Variants in ZNF75D observed in about 807,000 individuals in gnomAD.
The protein encoded by ZNF75D is zinc finger protein 75D, also known as zinc finger protein 75.
In ZNF75D, 33 loss-of-function variants were observed where a neutral mutation model predicts 33.3. That is an observed-to-expected ratio of 0.99 (90% CI 0.75 to 1.32). The LOEUF (loss-of-function observed/expected upper bound fraction) is 1.32, where lower values mean the gene tolerates loss of function less well. ZNF75D is among the 40% of genes most tolerant of loss of function. The pLI, the probability that ZNF75D is intolerant of heterozygous loss-of-function variation, is 0.00. For missense variants in ZNF75D, 338 were observed against 367.5 expected, an observed-to-expected ratio of 0.92 and a Z score of 0.66; for synonymous variants, 113 against 130.6, an observed-to-expected ratio of 0.87 and a Z score of 0.92.
At chrX:135,256,266 A>G (rs1292494332) in intron 1 of ZNF75D, among the ~76,000 whole-genome samples, 2 of 86,664 alleles carry the variant, frequency 2.3e-5, no homozygotes, top group African/African-American at 4.3e-5. Context: ...GGAACCACCA[A>G]TGCTACCCCT....
At chrX:135,334,636 C>T (rs1254897046) in intron 1 of ZNF75D, among the ~76,000 whole-genome samples, 3 of 110,791 alleles carry the variant, frequency 2.7e-5, no homozygotes, top group Non-Finnish European at 5.7e-5. Context: ...CTGCCCTACT[C>T]TCTCTCACTC....
chrX:135,283,232 C>T (rs1556418837), downstream of ZNF75D, among the ~76,000 whole-genome samples: 1 of 111,755 alleles, frequency 8.9e-6, no homozygotes, highest in Non-Finnish European at 1.9e-5. Context: ...ATTGATGGTC[C>T]TTGAGAGTTT....
At position 135,337,585 on chromosome X, in the gene ZNF75D, T is replaced by A. The variant is rs376498015; in HGVS notation, c.-391+4183A>T. ...ACTGGAATCACGTGAAAACTTTCAA[T>A]TGTACCTTCTTTTTGCTCAGGACAG... On this transcript the variant is annotated intron_variant, in intron 1 of 6. Coordinates refer to ENST00000370766, the MANE Select transcript of ZNF75D (RefSeq NM_007131.5). 3.0e-4 allele frequency among the ~76,000 whole-genome samples: 34 copies of A among 112,156 alleles called. 1 individual carries two copies. In the South Asian group the frequency reaches 0.012, roughly 39 times the overall value.
intron 1 of ZNF75D, among the ~76,000 whole-genome samples, chrX:135,299,169 A>G (rs2084178135): frequency 8.9e-6 from 1 of 112,365 alleles, no homozygotes; most frequent in Non-Finnish European, 1.9e-5. Flanking sequence ...TTGCTAGATC[A>G]TATGTTAACT....
At chrX:135,291,344 C>T in intron 5 of ZNF75D, 128 bp downstream of exon 5, 1 of 868,803 alleles carries the variant, frequency 1.2e-6, no homozygotes, top group Non-Finnish European at 1.6e-6. Flanking sequence ...AGCCTAGTTG[C>T]CTAGAGAATA....
intron 1 of ZNF75D, among the ~76,000 whole-genome samples, chrX:135,258,321 T>G (rs2083818895): frequency 9.1e-6 from 1 of 110,424 alleles, no homozygotes; most frequent in Non-Finnish European, 1.9e-5. Flanking sequence ...AGTAATGTGA[T>G]TACTGGGTCA....
chrX:135,333,441 T>A (rs948432503), intron 1 of ZNF75D, among the ~76,000 whole-genome samples: 5 of 111,679 alleles, frequency 4.5e-5, no homozygotes, highest in African/African-American at 1.6e-4. Flanking sequence ...AAGTAGGATA[T>A]ATCTGATTAA....
chrX:135,339,240 A>T (rs1556443756), intron 1 of ZNF75D, among the ~76,000 whole-genome samples: 2 of 111,407 alleles, frequency 1.8e-5, no homozygotes, highest in African/African-American at 6.5e-5. Flanking sequence ...GGTGGTATTG[A>T]TGGTTTCCAT....
At chrX:135,258,179 A>T (rs1319722282) in intron 1 of ZNF75D, among the ~76,000 whole-genome samples, 1 of 79,475 alleles carries the variant, frequency 1.3e-5, no homozygotes, top group Admixed American at 1.4e-4. Context: ...TCCATGGTGT[A>T]TAATCCAGTC....
At chrX:135,282,351 C>T (rs1285783889), downstream of ZNF75D, among the ~76,000 whole-genome samples, 2 of 111,589 alleles carry the variant, frequency 1.8e-5, no homozygotes, top group African/African-American at 3.3e-5. Flanking sequence ...CCATCAAGCT[C>T]GAGCGTACCA....
intron 3 of ZNF75D, among the ~76,000 whole-genome samples, chrX:135,249,687 A>G (rs1169104409): frequency 5.5e-5 from 5 of 90,863 alleles, no homozygotes; most frequent in African/African-American, 2.0e-4. Flanking sequence ...TATCATTAGG[A>G]TTGTACTGGA....
At chrX:135,333,801 A>C (rs1556441337) in intron 1 of ZNF75D, among the ~76,000 whole-genome samples, 1 of 111,806 alleles carries the variant, frequency 8.9e-6, no homozygotes, top group Non-Finnish European at 1.9e-5. Flanking sequence ...CCCCCAAAAA[A>C]AATCAGTCTA....
downstream of ZNF75D, among the ~76,000 whole-genome samples, chrX:135,285,429 C>T: frequency 1.8e-5 from 2 of 112,406 alleles, no homozygotes. Context: ...AAATGAATGT[C>T]ATGCCAGAAG....
intron 1 of ZNF75D, among the ~76,000 whole-genome samples, chrX:135,260,160 G>C (rs1449411675): frequency 2.7e-5 from 3 of 112,201 alleles, no homozygotes; most frequent in African/African-American, 6.5e-5. Context: ...GATCATGACA[G>C]AGAAGCTTCT....
chrX:135,291,202 G>A, intron 5 of ZNF75D, 67 bp from the exon 6 acceptor site: 1 of 1,146,474 alleles, frequency 8.7e-7, no homozygotes, highest in South Asian at 1.9e-5. Context: ...ACCCATTTCT[G>A]AATTACATGG....
At chrX:135,276,311 T>C (rs1480436222) in intron 1 of ZNF75D, among the ~76,000 whole-genome samples, 1 of 111,708 alleles carries the variant, frequency 9.0e-6, no homozygotes, top group Non-Finnish European at 1.9e-5. Context: ...AAATCATACT[T>C]TTTTTATATA....
At chrX:135,307,395 T>A (rs1556425999) in intron 1 of ZNF75D, among the ~76,000 whole-genome samples, 3 of 111,068 alleles carry the variant, frequency 2.7e-5, no homozygotes, top group African/African-American at 9.8e-5. Flanking sequence ...CATCTCCTCA[T>A]AACAGTCATT....
chrX:135,335,541 G>A (rs1380064885), intron 1 of ZNF75D, among the ~76,000 whole-genome samples: 4 of 111,875 alleles, frequency 3.6e-5, no homozygotes, highest in African/African-American at 1.3e-4. Context: ...CCAAGGAAAT[G>A]ATGAAGCCTT....
chrX:135,326,973 C>T (rs1192742932), intron 1 of ZNF75D, among the ~76,000 whole-genome samples: 2 of 112,655 alleles, frequency 1.8e-5, no homozygotes, highest in Non-Finnish European at 3.7e-5. Context: ...CCACCAATTC[C>T]GAACACATCA....
Sources: gnomAD v4.1 joint callset for allele counts (sites outside exome capture counted in the v4.1 genomes callset) on GRCh38, gnomAD v4.1.1 for gene constraint, MANE v1.5 for transcripts, NCBI Gene and HGNC (gene_info 2026-07-23, HGNC 2026-07-21) for gene names.